INPP4B: variants seen among roughly 807,000 people sequenced by gnomAD.
The protein encoded by INPP4B is inositol polyphosphate 4-phosphatase type II.
INPP4B carries 55 observed loss-of-function variants against 122.5 expected under a neutral mutation model. The observed-to-expected ratio is 0.45, with a 90% CI of 0.36 to 0.56. The LOEUF (loss-of-function observed/expected upper bound fraction) is 0.56, where lower values mean the gene tolerates loss of function less well. Ranked by LOEUF, INPP4B falls within the 20% of genes least tolerant of loss-of-function variation. INPP4B has a pLI of 0.00. For missense variants in INPP4B, 1,000 were observed against 1,097.7 expected, an observed-to-expected ratio of 0.91 and a Z score of 1.26; for synonymous variants, 403 against 388.7, an observed-to-expected ratio of 1.04 and a Z score of -0.43.
chr4:142,036,617 C>A (rs1325511142), intron 25 of INPP4B, among the ~76,000 whole-genome samples: 1 of 152,144 alleles, frequency 6.6e-6, no homozygotes, highest in African/African-American at 2.4e-5. Flanking sequence ...TTCCAGTCTG[C>A]ATGTTGTATA....
rs561613465 is a variant in INPP4B at position 142,109,544 on chromosome 4, T to C, written c.2277-1354A>G. ...GGAATGTAGTTACACTCTCCTCCCT[T>C]AGCAGCAGTATTTCAATGCCTTTGG... is the stretch of plus-strand genomic sequence containing the variant. On this transcript the variant is annotated intron_variant, in intron 22 of 25. Coordinates refer to ENST00000262992, the MANE Select transcript of INPP4B (RefSeq NM_001101669.3). Among the ~76,000 whole-genome samples, 83 of 151,726 alleles carry C rather than the reference T, an allele frequency of 5.5e-4. No individual in the cohort carries two copies. The South Asian group carries it at 0.017, about 31-fold the overall frequency.
At chr4:142,216,294 C>T (rs1266536267) in intron 12 of INPP4B, among the ~76,000 whole-genome samples, 2 of 152,166 alleles carry the variant, frequency 1.3e-5, no homozygotes, top group African/African-American at 2.4e-5. Flanking sequence ...AAGAGTCCAA[C>T]AAGTTGATGC....
At position 142,243,338 on chromosome 4, in the gene INPP4B, G is replaced by A. The variant is rs538444896; in HGVS notation, c.689-5327C>T. ...AGATGGTTCTATTCATCATTAGATA[G>A]TCAAATTTACTCTTCCATTTGAAGC... is the stretch of plus-strand genomic sequence containing the variant. On this transcript the variant is annotated intron_variant, in intron 11 of 25. Transcript: ENST00000262992. Among the ~76,000 whole-genome samples, 10 of 152,312 alleles carry A rather than the reference G, an allele frequency of 6.6e-5. No homozygotes were observed. In the South Asian group the frequency reaches 2.1e-3, roughly 32 times the overall value.
intron 1 of INPP4B, among the ~76,000 whole-genome samples, chr4:142,828,972 T>A (rs1380276107): frequency 6.6e-6 from 1 of 151,298 alleles, no homozygotes. Flanking sequence ...AGAAATCGTA[T>A]CATGACCCCT....
chr4:142,698,611 G>A (rs1761318996), intron 2 of INPP4B, among the ~76,000 whole-genome samples: 2 of 152,098 alleles, frequency 1.3e-5, no homozygotes, highest in South Asian at 4.1e-4. Context: ...GAGGAATCTG[G>A]GTTTTGGCTA....
At position 142,259,743 on chromosome 4, in the gene INPP4B, C is replaced by T. The variant is rs1181105997; in HGVS notation, c.688+749G>A. On this transcript the variant is annotated intron_variant, in intron 11 of 25. Coordinates refer to ENST00000262992, the MANE Select transcript of INPP4B (RefSeq NM_001101669.3). ...TATACAAAAGTATTTTTTCTTGTTTCCTTATTCTATAACTTTTTCTTATTT... is the reference window on the plus strand; with the variant it reads ...TATACAAAAGTATTTTTTCTTGTTTTCTTATTCTATAACTTTTTCTTATTT... Among the ~76,000 whole-genome samples, 3 of 151,802 alleles carry T rather than the reference C, an allele frequency of 2.0e-5. No individual in the cohort carries two copies. In the East Asian group the frequency reaches 5.8e-4, roughly 29 times the overall value.
In INPP4B at chr4:142,064,488, A is replaced by C. The variant is rs972263836; in HGVS notation, c.2642+17543T>G. Among the ~76,000 whole-genome samples the C allele has an allele frequency of 3.9e-5, 6 of 152,282 alleles. No individual in the cohort carries two copies. In the South Asian group the frequency reaches 1.2e-3, roughly 32 times the overall value. ...ATACTTAACAGTATGTACCTTGAAC[A>C]TATGCATATGAGATGTTTGTTATAT... On this transcript the variant is annotated intron_variant, in intron 25 of 25. Coordinates refer to ENST00000262992, the MANE Select transcript of INPP4B (RefSeq NM_001101669.3).
chr4:142,435,424 T>C (rs1275937184), intron 3 of INPP4B, among the ~76,000 whole-genome samples: 6 of 126,412 alleles, frequency 4.7e-5, no homozygotes, highest in Admixed American at 4.0e-4. Context: ...GTTTAAAAAA[T>C]CCCTACATAG....
At chr4:142,212,855 A>G (rs1227470898) in intron 12 of INPP4B, among the ~76,000 whole-genome samples, 1 of 152,184 alleles carries the variant, frequency 6.6e-6, no homozygotes, top group African/African-American at 2.4e-5. Flanking sequence ...AGTCCTGGGT[A>G]TGATAAATAT....
intron 7 of INPP4B, among the ~76,000 whole-genome samples, chr4:142,344,476 G>C (rs778131753): frequency 8.6e-5 from 13 of 151,918 alleles, no homozygotes; most frequent in Non-Finnish European, 1.6e-4. Context: ...AGCAAAGTCC[G>C]AGTTGACAGT....
chr4:142,441,660 T>G (rs116199720), intron 3 of INPP4B, among the ~76,000 whole-genome samples: 2,500 of 151,962 alleles, frequency 0.016, 75 homozygotes, highest in African/African-American at 0.057. Flanking sequence ...AATCTTAAGG[T>G]GCAAAAATAT....
chr4:142,047,794 C>G (rs1752373941), intron 25 of INPP4B, among the ~76,000 whole-genome samples: 1 of 151,792 alleles, frequency 6.6e-6, no homozygotes, highest in African/African-American at 2.4e-5. Context: ...AGATATGAAA[C>G]AAAAATCTCT....
intron 25 of INPP4B, among the ~76,000 whole-genome samples, chr4:142,034,727 T>G (rs1483342754): frequency 6.6e-6 from 1 of 152,154 alleles, no homozygotes; most frequent in Non-Finnish European, 1.5e-5. Flanking sequence ...TGATGTCCTC[T>G]GCTCAGAGCA....
At chr4:142,341,393 A>T (rs1209368076) in intron 7 of INPP4B, among the ~76,000 whole-genome samples, 1 of 142,870 alleles carries the variant, frequency 7.0e-6, no homozygotes, top group Non-Finnish European at 1.5e-5. Context: ...TTCTGTTGAG[A>T]TGAAAAAATA....
intron 24 of INPP4B, among the ~76,000 whole-genome samples, chr4:142,084,051 A>G (rs1775485729): frequency 6.6e-6 from 1 of 152,136 alleles, no homozygotes; most frequent in South Asian, 2.1e-4. Flanking sequence ...CTTGATTGTC[A>G]TTTGTCCTCT....
At chr4:142,497,127 A>C (rs1437452943) in intron 2 of INPP4B, among the ~76,000 whole-genome samples, 3 of 152,108 alleles carry the variant, frequency 2.0e-5, no homozygotes, top group African/African-American at 7.2e-5. Context: ...GCCACATCTG[A>C]ATGTTTGTGG....
chr4:142,317,915 T>C (rs1000425641), intron 7 of INPP4B, among the ~76,000 whole-genome samples: 2 of 152,152 alleles, frequency 1.3e-5, no homozygotes, highest in East Asian at 1.9e-4. Context: ...CCATTTACTG[T>C]AGAGGGCTGT....
At chr4:142,445,269 A>T (rs7675844) in intron 3 of INPP4B, among the ~76,000 whole-genome samples, 1,609 of 152,248 alleles carry the variant, frequency 0.011, 28 homozygotes, top group African/African-American at 0.036. Flanking sequence ...TCCACAGTAG[A>T]CTGTGACAAT....
chr4:142,152,370 C>T (rs1042039566), intron 17 of INPP4B, among the ~76,000 whole-genome samples: 1 of 151,886 alleles, frequency 6.6e-6, no homozygotes, highest in Admixed American at 6.6e-5. Flanking sequence ...TCACCGCACC[C>T]GGCACTTTTT....
Sources: allele counts gnomAD v4.1 joint callset (sites outside exome capture counted in the v4.1 genomes callset), GRCh38; gene constraint gnomAD v4.1.1; transcripts MANE v1.5; gene names NCBI Gene and HGNC (gene_info 2026-07-23, HGNC 2026-07-21).